The following RERE variants were observed in gnomAD, a reference collection of about 807,000 sequenced individuals.
RERE encodes arginine-glutamic acid dipeptide repeats.
RERE carries 40 observed loss-of-function variants against 146.1 expected under a neutral mutation model. The observed-to-expected ratio is 0.27, with a 90% confidence interval of 0.21 to 0.36. The LOEUF (loss-of-function observed/expected upper bound fraction) is 0.36. Among genes scored for constraint, RERE ranks in the 10% least tolerant of loss-of-function variants. The probability of loss-of-function intolerance (pLI) is 1.00; values close to 1 mark genes in which losing one functional copy is unlikely to be tolerated. For missense variants in RERE, 1,933 were observed against 2,138.7 expected, an observed-to-expected ratio of 0.90 and a Z score of 1.90; for synonymous variants, 1,003 against 866.0, an observed-to-expected ratio of 1.16 and a Z score of -2.78.
intron 1 of RERE, among the ~76,000 whole-genome samples, chr1:8,679,109 C>T (rs900068058): frequency 6.6e-6 from 1 of 152,222 alleles, no homozygotes; most frequent in African/African-American, 2.4e-5. Context: ...TTCTATTCCA[C>T]AGTGCTGATC....
intron 1 of RERE, among the ~76,000 whole-genome samples, chr1:8,719,408 GGT>G (rs1639821054): frequency 6.6e-6 from 1 of 152,052 alleles, no homozygotes; most frequent in Non-Finnish European, 1.5e-5. Flanking sequence ...GCATCCTTAA[GGT>G]AATTATTAAA....
intron 1 of RERE, among the ~76,000 whole-genome samples, chr1:8,694,974 G>GC (rs1557486302): frequency 1.5e-4 from 4 of 26,868 alleles, no homozygotes; most frequent in Non-Finnish European, 2.8e-4. Context: ...GAAATCCTAA[G>GC]GGGGGGGGGG....
intron 12 of RERE, among the ~76,000 whole-genome samples, chr1:8,376,524 C>T (rs1325448696): frequency 8.5e-5 from 13 of 152,212 alleles, no homozygotes; most frequent in African/African-American, 2.2e-4. Flanking sequence ...ATGAGACAGA[C>T]GCTGGGAGCC....
In RERE at chr1:8,665,573, C is replaced by T. The variant is rs545879757; in HGVS notation, c.-144-9132G>A. ...AAACCATGAGTAGGATAAGGAGACGCAAAGAGAAGGCGAAAGACAGTCCAG... is the reference window on the plus strand; with the variant it reads ...AAACCATGAGTAGGATAAGGAGACGTAAAGAGAAGGCGAAAGACAGTCCAG... On this transcript the variant is annotated intron_variant, in intron 1 of 22. Coordinates refer to ENST00000400908, the MANE Select transcript of RERE (RefSeq NM_001042681.2). 3.3e-5 allele frequency among the ~76,000 whole-genome samples: 5 copies of T among 152,232 alleles called. No homozygotes were observed. The South Asian group carries it at 1.0e-3, about 32-fold the overall frequency.
intron 1 of RERE, among the ~76,000 whole-genome samples, chr1:8,785,899 G>A (rs1218731277): frequency 6.6e-6 from 1 of 152,058 alleles, no homozygotes; most frequent in Non-Finnish European, 1.5e-5. Context: ...TGGGATTACA[G>A]GTATGAGCCA....
chr1:8,757,422 T>C (rs1259730652), intron 1 of RERE, among the ~76,000 whole-genome samples: 1 of 152,190 alleles, frequency 6.6e-6, no homozygotes, highest in Non-Finnish European at 1.5e-5. Context: ...GCTACCAAAA[T>C]CAAATTCTCT....
intron 1 of RERE, among the ~76,000 whole-genome samples, chr1:8,734,805 T>C (rs1640159890): frequency 6.6e-6 from 1 of 152,196 alleles, no homozygotes; most frequent in Non-Finnish European, 1.5e-5. Flanking sequence ...TCACCAACAC[T>C]GTTTTATGCT....
At chr1:8,424,098 G>A (rs1033469653) in intron 11 of RERE, 6 of 152,084 alleles carry the variant, frequency 3.9e-5, no homozygotes, top group Non-Finnish European at 8.8e-5. Flanking sequence ...CCGGATGGAC[G>A]AAGTCGGCTG....
chr1:8,622,805 C>G (rs758385922), intron 3 of RERE, among the ~76,000 whole-genome samples: 3 of 151,150 alleles, frequency 2.0e-5, no homozygotes, highest in Admixed American at 6.6e-5. Context: ...ACTGAATATA[C>G]TACTTTGGTA....
At position 8,364,692 on chromosome 1, in the gene RERE, C is replaced by A. The variant is rs1641728954; in HGVS notation, c.1540+54G>T. ...AGCTGGATGCATGAAATGTTCAGAA[C>A]ATGGAAGTGCTTGTGCCCCCGCCCC... On this transcript the variant is annotated intron_variant, in intron 14 of 22. Transcript: ENST00000400908. This position sits in a 1 kb window ranked among gnomAD's most constrained non-coding sequence, Gnocchi z 5.1. 15 of 1,289,172 alleles carry A rather than the reference C, an allele frequency of 1.2e-5. No individual in the cohort carries two copies. The African/African-American group carries it at 1.2e-4, about 10-fold the overall frequency. 79.9% of individuals were successfully genotyped at this position (1,289,172 alleles called of 1,614,324 possible).
At chr1:8,647,186 T>C (rs1647353498) in intron 2 of RERE, among the ~76,000 whole-genome samples, 1 of 152,216 alleles carries the variant, frequency 6.6e-6, no homozygotes, top group African/African-American at 2.4e-5. Context: ...ACTCCATTTG[T>C]TATACAGCCA....
chr1:8,444,920 TAA>T (rs58458546), intron 11 of RERE, among the ~76,000 whole-genome samples: 39 of 141,062 alleles, frequency 2.8e-4, no homozygotes, highest in African/African-American at 5.7e-4. Flanking sequence ...TTTCTTTATT[TAA>T]AAAAAAAAAA....
chr1:8,444,811 C>T (rs1284274361), intron 11 of RERE, among the ~76,000 whole-genome samples: 1 of 152,036 alleles, frequency 6.6e-6, no homozygotes, highest in East Asian at 1.9e-4. Flanking sequence ...GCTTCAGCTT[C>T]CGCCATAAGT....
chr1:8,562,051 T>C (rs1444548084), intron 4 of RERE, among the ~76,000 whole-genome samples: 1 of 152,324 alleles, frequency 6.6e-6, no homozygotes, highest in East Asian at 1.9e-4. Flanking sequence ...CTACCTTATT[T>C]GGTTGTGAGG....
At chr1:8,652,462 A>G (rs918081800) in intron 2 of RERE, among the ~76,000 whole-genome samples, 2 of 152,228 alleles carry the variant, frequency 1.3e-5, no homozygotes, top group Admixed American at 1.3e-4. Context: ...AGACTCAAGA[A>G]GGGAGGTGTA....
intron 1 of RERE, among the ~76,000 whole-genome samples, chr1:8,686,468 A>G (rs1445918086): frequency 6.6e-6 from 1 of 152,158 alleles, no homozygotes; most frequent in Non-Finnish European, 1.5e-5. Context: ...ATAAAGATGT[A>G]GCCGGGCACG....
At chr1:8,565,064 C>A (rs1033168264) in intron 4 of RERE, among the ~76,000 whole-genome samples, 5 of 151,854 alleles carry the variant, frequency 3.3e-5, no homozygotes, top group Non-Finnish European at 7.4e-5. Flanking sequence ...GTTACAGAGG[C>A]TGGGCAGTGG....
At position 8,750,150 on chromosome 1, in the gene RERE, C is replaced by CA. The variant is rs3045405; in HGVS notation, c.-145+67009dup. Among the ~76,000 whole-genome samples the CA allele has an allele frequency of 5.7e-3, 550 of 96,498 alleles. 15 individuals are homozygous for CA. The highest frequency in any genetic ancestry group is 0.019 in the Middle Eastern group (3 of 158). 63.3% of individuals were successfully genotyped at this position (96,498 alleles called of 152,430 possible). ...TGGGTGACAGAACAAGCCTCTGTCTCAAAAAAAAAAAAAAAAAAAGAATGG... is the reference window on the plus strand; with the variant it reads ...TGGGTGACAGAACAAGCCTCTGTCTCAAAAAAAAAAAAAAAAAAAAGAATGG... On this transcript the variant is annotated intron_variant, in intron 1 of 22. Coordinates refer to ENST00000400908, the MANE Select transcript of RERE (RefSeq NM_001042681.2).
intron 12 of RERE, among the ~76,000 whole-genome samples, chr1:8,394,312 C>T (rs1642979698): frequency 6.6e-6 from 1 of 152,120 alleles, no homozygotes; most frequent in Non-Finnish European, 1.5e-5. Context: ...ACATACTGCC[C>T]ACAATTCCAA....
Sources: allele counts gnomAD v4.1 joint callset (sites outside exome capture counted in the v4.1 genomes callset), GRCh38; gene constraint gnomAD v4.1.1; non-coding constraint Gnocchi (gnomAD v3.1); transcripts MANE v1.5; gene names NCBI Gene and HGNC (gene_info 2026-07-23, HGNC 2026-07-21).